DMXL1: variants seen among roughly 807,000 people sequenced by gnomAD.
DMXL1 encodes dmX-like protein 1.
DMXL1 carries 99 observed loss-of-function variants against 319.2 expected under a neutral mutation model. That is an observed-to-expected ratio of 0.31 (90% confidence interval 0.26 to 0.37). The LOEUF is 0.37. Among genes scored for constraint, DMXL1 ranks in the 10% least tolerant of loss-of-function variants. DMXL1 has a pLI of 1.00. For missense variants in DMXL1, 3,745 were observed against 3,595.6 expected (o/e 1.04, Z -1.06); for synonymous variants, 1,385 against 1,235.2 (o/e 1.12, Z -2.54).
intron 1 of DMXL1, among the ~76,000 whole-genome samples, chr5:119,089,855 A>G (rs997141728): frequency 6.8e-6 from 1 of 146,422 alleles, no homozygotes; most frequent in Admixed American, 6.8e-5. Flanking sequence ...TGAACTCCAC[A>G]CCTCAGGTGA....
At chr5:119,210,521 A>G (rs1444571475) in intron 34 of DMXL1, among the ~76,000 whole-genome samples, 1 of 152,132 alleles carries the variant, frequency 6.6e-6, no homozygotes, top group Non-Finnish European at 1.5e-5. Context: ...TTGTTACAGC[A>G]TTATTTCTTG....
At position 119,105,186 on chromosome 5, in the gene DMXL1, T is replaced by C. The variant is rs1227791211; in HGVS notation, c.292T>C (p.Tyr98His). 9 of 1,608,310 alleles carry C rather than the reference T, an allele frequency of 5.6e-6. No individual in the cohort carries two copies. Among genetic ancestry groups the C allele is most frequent in the Admixed American group, 1.7e-5 (1 of 59,976 alleles). The change falls in exon 4 of 44, where the codon TAT (tyrosine) becomes CAT (histidine). Residue 98 changes from tyrosine (Y) to histidine (H), a missense_variant. Tyr to His is a moderately conservative substitution (Grantham distance 83). Around this residue, in one of 4 missense-constraint regions of DMXL1, gnomAD observed 2,096 missense variants for 1,985.4 expected, o/e 1.06. Coordinates refer to ENST00000539542, the MANE Select transcript of DMXL1 (RefSeq NM_001290321.3). ...LPKQKKNLEL[Y>H]SQWQKSGQFF... ...TGACTTTTCTTAATTTTAGGAATTATATAGTCAGTGGCAGAAAAGTGGCCA... is the reference window on the plus strand; with the variant it reads ...TGACTTTTCTTAATTTTAGGAATTACATAGTCAGTGGCAGAAAAGTGGCCA...
At chr5:119,086,055 A>G (rs1486448247) in intron 1 of DMXL1, among the ~76,000 whole-genome samples, 1 of 152,222 alleles carries the variant, frequency 6.6e-6, no homozygotes, top group African/African-American at 2.4e-5. Flanking sequence ...TGAGCAAGTT[A>G]CAAAAGAGGT....
intron 4 of DMXL1, among the ~76,000 whole-genome samples, chr5:119,109,899 A>G (rs567493254): frequency 9.2e-5 from 14 of 152,220 alleles, no homozygotes; most frequent in African/African-American, 2.4e-5. Flanking sequence ...TTGTATTTCC[A>G]ATGTCTAGCA....
intron 31 of DMXL1, among the ~76,000 whole-genome samples, chr5:119,197,535 A>G (rs1779855723): frequency 6.6e-6 from 1 of 152,184 alleles, no homozygotes; most frequent in African/African-American, 2.4e-5. Context: ...AGTAATGTTG[A>G]AATACTTACA....
chr5:119,116,051 C>T, intron 6 of DMXL1, 107 bp from the exon 7 acceptor site: 1 of 1,006,326 alleles, frequency 9.9e-7, no homozygotes, highest in South Asian at 1.8e-5. Context: ...ACGTCTCTTC[C>T]CATCCCCAAG....
chr5:119,128,194 A>G, intron 9 of DMXL1: 1 of 439,064 alleles, frequency 2.3e-6, no homozygotes, highest in South Asian at 1.8e-5. Flanking sequence ...GGTCTTTTTA[A>G]TTCTGTGAGA....
Position 119,118,984 on chromosome 5 carries a change from C to G in DMXL1, c.913C>G (p.Arg305Gly), listed in dbSNP as rs758685188. Residue 305 changes from arginine (R) to glycine (G), a missense_variant, in exon 8 of 44, where the codon CGA (arginine) becomes GGA (glycine). Around this residue, in one of 4 missense-constraint regions of DMXL1, gnomAD observed 2,096 missense variants for 1,985.4 expected, o/e 1.06. Coordinates refer to ENST00000539542, the MANE Select transcript of DMXL1 (RefSeq NM_001290321.3). ...CAAGAGAAATGCTTCCAGTAAAGAA[C>G]GAGTTCAAAATGCTTTAGAAGTGAG... is the stretch of plus-strand genomic sequence containing the variant. ...NFKRNASSKE[R>G]VQNALEVNLR... is the part of the protein sequence containing the mutation. 3 of 1,611,002 alleles carry G rather than the reference C, an allele frequency of 1.9e-6. No homozygotes were observed. Among genetic ancestry groups the G allele is most frequent in the South Asian group, 2.2e-5 (2 of 90,354 alleles).
intron 29 of DMXL1, 107 bp downstream of exon 29, chr5:119,189,993 T>A: frequency 1.8e-6 from 2 of 1,125,112 alleles, no homozygotes; most frequent in Non-Finnish European, 2.5e-6. Flanking sequence ...CACTTTGGTT[T>A]AGAAAATTTT....
intron 34 of DMXL1, among the ~76,000 whole-genome samples, chr5:119,211,333 T>A (rs1782770151): frequency 2.0e-5 from 3 of 152,192 alleles, no homozygotes; most frequent in Non-Finnish European, 1.5e-5. Flanking sequence ...GAATTAGTGT[T>A]ATTTCTGAAG....
chr5:119,118,139 A>G (rs562984328), intron 7 of DMXL1, among the ~76,000 whole-genome samples: 138 of 152,334 alleles, frequency 9.1e-4, no homozygotes, highest in Non-Finnish European at 1.3e-3. Flanking sequence ...CAAAAAGGAA[A>G]TTAACTGAAA....
At chr5:119,104,849 A>G (rs1757986305) in intron 3 of DMXL1, among the ~76,000 whole-genome samples, 1 of 152,230 alleles carries the variant, frequency 6.6e-6, no homozygotes, top group Non-Finnish European at 1.5e-5. Flanking sequence ...AGGAAATGTC[A>G]AATAGTAAAG....
rs111551950 is a variant in DMXL1 at position 119,223,207 on chromosome 5, C to G, written c.8278-1502C>G. 1.7e-3 allele frequency among the ~76,000 whole-genome samples: 257 copies of G among 152,120 alleles called. 2 individuals are homozygous for G. The highest frequency in any genetic ancestry group is 3.8e-3 in the African/African-American group (156 of 41,514). On this transcript the variant is annotated intron_variant, in intron 37 of 43. Transcript: ENST00000539542. ...TAGTAGCTGGGATTACAGGCATGCACTACCATGCCCGGCTAATTTTTGTAT... is the reference window on the plus strand; with the variant it reads ...TAGTAGCTGGGATTACAGGCATGCAGTACCATGCCCGGCTAATTTTTGTAT...
intron 11 of DMXL1, 46 bp downstream of exon 11, chr5:119,133,431 ACTATTTT>A: frequency 1.3e-6 from 2 of 1,585,632 alleles, no homozygotes; most frequent in Non-Finnish European, 1.7e-6. Flanking sequence ...TTATGTGGGT[ACTATTTT>A]CTAATACCTC....
chr5:119,125,328 A>T (rs532359251), intron 9 of DMXL1, among the ~76,000 whole-genome samples: 1 of 152,312 alleles, frequency 6.6e-6, no homozygotes, highest in South Asian at 2.1e-4. Flanking sequence ...TTGCCTAGGA[A>T]TGATCTATAA....
At chr5:119,166,537 A>C in intron 21 of DMXL1, 79 bp from the exon 22 acceptor site, 1 of 1,319,758 alleles carries the variant, frequency 7.6e-7, no homozygotes, top group Admixed American at 2.3e-5. Flanking sequence ...ACTTAGCCAA[A>C]TCTTAACTTT....
In DMXL1 at chr5:119,189,967, C is replaced by A. The variant is rs187206832; in HGVS notation, c.7314+81C>A. 5,077 of 1,382,012 alleles carry A rather than the reference C, an allele frequency of 3.7e-3. 114 individuals are homozygous for A. In the South Asian group the frequency reaches 0.038, roughly 10 times the overall value. The allele number at this position is 1,382,012 out of a possible 1,614,324, so 85.6% of individuals were successfully genotyped here. A position where few individuals can be genotyped will look rare whatever the true frequency, so the allele number is the denominator to read the frequency against. On this transcript the variant is annotated intron_variant, in intron 29 of 43. Coordinates refer to ENST00000539542, the MANE Select transcript of DMXL1 (RefSeq NM_001290321.3). ...TCAGAAATAAGTGTCATTTTTGGTGCTTCCAAATGTTTTCCCACTTTGGTT... is the reference window on the plus strand; with the variant it reads ...TCAGAAATAAGTGTCATTTTTGGTGATTCCAAATGTTTTCCCACTTTGGTT...
intron 38 of DMXL1, among the ~76,000 whole-genome samples, chr5:119,226,678 T>C (rs1785629591): frequency 2.0e-5 from 3 of 152,168 alleles, no homozygotes; most frequent in Admixed American, 2.0e-4. Flanking sequence ...CCCACAAAAC[T>C]GCTCCTTACT....
At chr5:119,210,756 C>CTTTTT (rs1205202596) in intron 34 of DMXL1, among the ~76,000 whole-genome samples, 11 of 65,938 alleles carry the variant, frequency 1.7e-4, no homozygotes, top group African/African-American at 5.1e-4. Flanking sequence ...TTTTTTCTTT[C>CTTTTT]GTTTTTTTTT....
Sources: allele counts gnomAD v4.1 joint callset (sites outside exome capture counted in the v4.1 genomes callset), GRCh38; gene constraint gnomAD v4.1.1; regional missense constraint gnomAD v4.1.1; transcripts MANE v1.5; gene names NCBI Gene and HGNC (gene_info 2026-07-23, HGNC 2026-07-21).